Variants in YIPF7 observed in about 807,000 individuals in gnomAD.
YIPF7 encodes the protein Yip1 domain family member 7.
Under a neutral mutation model 27.2 loss-of-function variants are expected in YIPF7, and 35 were observed. The observed-to-expected ratio is 1.29, with a 90% CI of 0.98 to 1.70. The LOEUF is 1.70. Among genes scored for constraint, YIPF7 ranks in the 40% most tolerant of loss-of-function variants. The probability of loss-of-function intolerance (pLI) is 0.00; values close to 1 mark genes in which losing one functional copy is unlikely to be tolerated. For missense variants in YIPF7, 358 were observed against 303.7 expected (o/e 1.18, Z -1.33); for synonymous variants, 137 against 110.4 (o/e 1.24, Z -1.51).
chr4:44,654,637 A>G (rs1713834837), upstream of YIPF7, among the ~76,000 whole-genome samples: 1 of 152,022 alleles, frequency 6.6e-6, no homozygotes. Context: ...CAAACTTAAC[A>G]TAATCCAAAC....
chr4:44,639,594 T>C (rs530535485), intron 2 of YIPF7, among the ~76,000 whole-genome samples: 129 of 152,162 alleles, frequency 8.5e-4, no homozygotes, highest in Non-Finnish European at 1.6e-3. Flanking sequence ...AATTCATTTA[T>C]TAACTCTAAG....
chr4:44,651,914 C>T (rs930544757), upstream of YIPF7, among the ~76,000 whole-genome samples: 2 of 152,148 alleles, frequency 1.3e-5, no homozygotes, highest in Non-Finnish European at 2.9e-5. Context: ...GCCTCAATGT[C>T]CCTTCCATTT....
Position 44,624,664 on chromosome 4 carries a change from A to T in YIPF7, c.545T>A (p.Val182Glu). ...SGVSYGCVAS[V>E]LGYCLLPMVI... is the part of the protein sequence containing the mutation. ...CATGGGGAGCAGGCAGTAACCCAGC[A>T]CGCTGGCCACACAGCCGTACGACAC... The change falls in exon 5 of 6, where the codon GTG (valine) becomes GAG (glutamate). Residue 182 changes from valine to glutamate, a missense_variant. Transcript: ENST00000415895. 6.2e-7 allele frequency: 1 copy of T among 1,605,638 alleles called. No individual in the cohort carries two copies. The highest frequency in any genetic ancestry group is 8.5e-7 in the Non-Finnish European group (1 of 1,176,404).
intron 5 of YIPF7, among the ~76,000 whole-genome samples, chr4:44,623,055 GC>G (rs1712497556): frequency 6.6e-6 from 1 of 152,186 alleles, no homozygotes; most frequent in Non-Finnish European, 1.5e-5. Context: ...GTCACAAAAA[GC>G]CTGACACAGC....
In YIPF7 at chr4:44,651,578, T is replaced by A. The variant is rs1227695583; in HGVS notation, c.-26A>T. The A allele has an allele frequency of 1.9e-6, 3 of 1,585,944 alleles. No homozygotes were observed. Among genetic ancestry groups the A allele is most frequent in the Non-Finnish European group, 2.6e-6 (3 of 1,165,094 alleles). ...CCTCTGTTTATTTTTTATAGAAAGA[T>A]CCTCCAGTAAATGTAGCTTTGTGTG... On this transcript the variant is annotated 5_prime_UTR_variant, in exon 1 of 6. Transcript: ENST00000415895.
chr4:44,649,964 A>G (rs1428400127), intron 2 of YIPF7, 21 bp downstream of exon 2: 1 of 1,312,488 alleles, frequency 7.6e-7, no homozygotes, highest in East Asian at 2.5e-5. Context: ...AAAAAAAAAA[A>G]GAAAAATATT....
At chr4:44,654,237 C>T (rs114083260), upstream of YIPF7, among the ~76,000 whole-genome samples, 865 of 152,132 alleles carry the variant, frequency 5.7e-3, 7 homozygotes, top group African/African-American at 0.02. Context: ...ATTTCTGTAG[C>T]ACATGTTGAA....
intron 2 of YIPF7, among the ~76,000 whole-genome samples, chr4:44,641,133 G>A (rs1713309207): frequency 6.6e-6 from 1 of 152,034 alleles, no homozygotes; most frequent in South Asian, 2.1e-4. Context: ...ACCCTCTCCT[G>A]TACTGGAGAG....
chr4:44,627,941 C>T (rs1712732904), intron 4 of YIPF7, among the ~76,000 whole-genome samples: 1 of 152,070 alleles, frequency 6.6e-6, no homozygotes, highest in African/African-American at 2.4e-5. Context: ...ATTATGCATC[C>T]AAGAGAGATC....
At chr4:44,625,017 G>T (rs1473335084) in intron 4 of YIPF7, among the ~76,000 whole-genome samples, 2 of 152,116 alleles carry the variant, frequency 1.3e-5, no homozygotes, top group Non-Finnish European at 2.9e-5. Flanking sequence ...CTACAAAAAA[G>T]ATTGAATATT....
chr4:44,646,198 C>A (rs949311716), intron 2 of YIPF7, among the ~76,000 whole-genome samples: 2 of 152,138 alleles, frequency 1.3e-5, no homozygotes, highest in Non-Finnish European at 2.9e-5. Context: ...GTGTAACTTA[C>A]CTATGTAAAT....
intron 4 of YIPF7, 37 bp downstream of exon 4, chr4:44,629,366 C>T: frequency 6.5e-7 from 1 of 1,547,740 alleles, no homozygotes; most frequent in Non-Finnish European, 8.7e-7. Flanking sequence ...CTGGAAAGGA[C>T]AAGCATTAAA....
At chr4:44,648,139 T>C (rs1577742877) in intron 2 of YIPF7, among the ~76,000 whole-genome samples, 2 of 152,156 alleles carry the variant, frequency 1.3e-5, no homozygotes, top group East Asian at 3.9e-4. Context: ...GAAAATCTCT[T>C]AATTTCTCTG....
chr4:44,642,345 C>G (rs1437915776), intron 2 of YIPF7, among the ~76,000 whole-genome samples: 1 of 152,102 alleles, frequency 6.6e-6, no homozygotes, highest in African/African-American at 2.4e-5. Flanking sequence ...TAAAATTTGT[C>G]CCATAAAGGA....
At chr4:44,657,966 C>T (rs1713945914) in intron 2 of YIPF7, among the ~76,000 whole-genome samples, 1 of 152,062 alleles carries the variant, frequency 6.6e-6, no homozygotes, top group Admixed American at 6.6e-5. Context: ...TACCTGTAAT[C>T]CTAGCACTTT....
intron 5 of YIPF7, among the ~76,000 whole-genome samples, chr4:44,622,894 A>G (rs985332322): frequency 2.0e-5 from 3 of 152,222 alleles, no homozygotes; most frequent in Admixed American, 1.3e-4. Flanking sequence ...CAGCATTGAG[A>G]GCCTTCACTT....
intron 2 of YIPF7, among the ~76,000 whole-genome samples, chr4:44,645,428 A>G (rs1420307613): frequency 6.6e-6 from 1 of 152,182 alleles, no homozygotes; most frequent in Non-Finnish European, 1.5e-5. Flanking sequence ...TGCTCTATTA[A>G]GCCTATAGTC....
chr4:44,639,962 TC>T (rs1260249891), intron 2 of YIPF7, among the ~76,000 whole-genome samples: 1 of 152,230 alleles, frequency 6.6e-6, no homozygotes, highest in Non-Finnish European at 1.5e-5. Context: ...ATGTTTTTTG[TC>T]CTTGGCTCTG....
At position 44,649,940 on chromosome 4, in the gene YIPF7, T is replaced by G. The variant is rs772068395; in HGVS notation, c.116+45A>C. The G allele has an allele frequency of 1.4e-4, 139 of 1,016,368 alleles. 1 individual carries two copies. The East Asian group carries it at 3.7e-3, about 27-fold the overall frequency. 63.0% of individuals were successfully genotyped at this position (1,016,368 alleles called of 1,614,324 possible). ...TTTTTACAATATGTGGGTGACAGAG[T>G]GAGACTCTGTCAAAAAAAAAAAAAG... On this transcript the variant is annotated intron_variant, in intron 2 of 5. Coordinates refer to ENST00000415895, the MANE Select transcript of YIPF7 (RefSeq NM_182592.3).
Sources: gnomAD v4.1 joint callset for allele counts (sites outside exome capture counted in the v4.1 genomes callset) on GRCh38, gnomAD v4.1.1 for gene constraint, MANE v1.5 for transcripts, NCBI Gene and HGNC (gene_info 2026-07-23, HGNC 2026-07-21) for gene names.